SYAP1: variants seen among roughly 807,000 people sequenced by gnomAD.
The protein encoded by SYAP1 is synapse-associated protein 1.
A neutral mutation model predicts 29.6 loss-of-function variants in SYAP1; 3 were observed. The ratio of observed to expected loss-of-function variants is 0.10; its 90% CI spans 0.05 to 0.26. The LOEUF is 0.26. Ranked by LOEUF, SYAP1 falls within the 10% of genes least tolerant of loss-of-function variation. SYAP1 has a pLI of 1.00. For synonymous variants in SYAP1, 102 were observed against 102.7 expected, an observed-to-expected ratio of 0.99 and a Z score of 0.04; for missense variants, 217 against 264.1, an observed-to-expected ratio of 0.82 and a Z score of 1.24.
rs376433599 is a variant in SYAP1 at position 16,737,371 on chromosome X, T to A, written c.361+1139T>A. On this transcript the variant is annotated intron_variant, in intron 3 of 8. Coordinates refer to ENST00000380155, the MANE Select transcript of SYAP1 (RefSeq NM_032796.4). Reference sequence around the variant, plus strand: ...GTGTACTCCAGCCTGGACTACAGAGTGAGACCCTGTCTCAAAAAAAAAGTA... The same window carrying A: ...GTGTACTCCAGCCTGGACTACAGAGAGAGACCCTGTCTCAAAAAAAAAGTA... Among the ~76,000 whole-genome samples the A allele has an allele frequency of 4.5e-5, 5 of 110,878 alleles. No individual in the cohort carries two copies. In the East Asian group the frequency reaches 1.1e-3, roughly 25 times the overall value.
Position 16,727,509 on chromosome X carries a change from A to T in SYAP1, c.175+7610A>T, listed in dbSNP as rs193294491. On this transcript the variant is annotated intron_variant, in intron 1 of 8. Transcript: ENST00000380155. ...CAGGCATGCGCCACCATGTGCAGCT[A>T]ATTTCGTATTTTTAGTAGAGAGGGG... 1.1e-4 allele frequency among the ~76,000 whole-genome samples: 12 copies of T among 110,822 alleles called. No individual in the cohort carries two copies. In the East Asian group the frequency reaches 3.4e-3, roughly 31 times the overall value.
At chrX:16,731,103 T>G (rs952314635) in intron 1 of SYAP1, among the ~76,000 whole-genome samples, 5 of 112,137 alleles carry the variant, frequency 4.5e-5, no homozygotes, top group Non-Finnish European at 3.8e-5. Context: ...TTTTACCATG[T>G]TTTATATATA....
rs1449410200 is a variant in SYAP1 at position 16,743,825 on chromosome X, C to T, written c.560C>T (p.Ala187Val). 1.7e-6 allele frequency: 2 copies of T among 1,210,134 alleles called. No homozygotes were observed. ...GAGCTGCTAAGCAAGATGAGATTTG[C>T]CCTCGTTCCTAAACTGTAAGCAGAG... is the stretch of plus-strand genomic sequence containing the variant. ...EDELLSKMRF[A>V]LVPKLVKEEV... Residue 187 changes from alanine (A) to valine (V), a missense_variant, in exon 5 of 9, where the codon GCC becomes GTC. Ala to Val is a moderately conservative substitution (Grantham distance 64). Coordinates refer to ENST00000380155, the MANE Select transcript of SYAP1 (RefSeq NM_032796.4).
intron 5 of SYAP1, among the ~76,000 whole-genome samples, chrX:16,749,040 C>A (rs1478206843): frequency 1.8e-5 from 2 of 110,444 alleles, no homozygotes; most frequent in Non-Finnish European, 3.8e-5. Flanking sequence ...CAGGCGTGAA[C>A]CTCCGTGCCT....
At chrX:16,734,133 C>T (rs1473737846) in intron 1 of SYAP1, among the ~76,000 whole-genome samples, 4 of 110,125 alleles carry the variant, frequency 3.6e-5, no homozygotes, top group African/African-American at 9.9e-5. Flanking sequence ...AATCCCAGCA[C>T]TTTGGGAGGC....
chrX:16,748,111 G>A (rs967813991), intron 5 of SYAP1, among the ~76,000 whole-genome samples: 3 of 111,529 alleles, frequency 2.7e-5, no homozygotes, highest in Non-Finnish European at 5.7e-5. Context: ...AAAAAGAAAT[G>A]CTTGCTGAAG....
intron 1 of SYAP1, among the ~76,000 whole-genome samples, chrX:16,733,160 A>G (rs778044115): frequency 3.6e-5 from 4 of 111,424 alleles, no homozygotes; most frequent in Non-Finnish European, 5.7e-5. Flanking sequence ...CCATGTGATC[A>G]TATGACTGTA....
chrX:16,732,588 A>G (rs972209064), intron 1 of SYAP1, among the ~76,000 whole-genome samples: 1 of 111,628 alleles, frequency 9.0e-6, no homozygotes, highest in African/African-American at 3.3e-5. Flanking sequence ...CTGGCTTTTA[A>G]TATTTAACTT....
intron 1 of SYAP1, among the ~76,000 whole-genome samples, chrX:16,720,954 A>T (rs911568623): frequency 1.8e-5 from 2 of 110,401 alleles, no homozygotes; most frequent in Non-Finnish European, 3.8e-5. Context: ...TGGAAGTTGC[A>T]GTGAGCTGAG....
intron 5 of SYAP1, among the ~76,000 whole-genome samples, chrX:16,744,141 C>T (rs1429946749): frequency 8.0e-5 from 9 of 112,591 alleles, no homozygotes; most frequent in Middle Eastern, 4.6e-3. Context: ...TGAGGCTCAT[C>T]GGGATCTTTT....
chrX:16,735,681 G>T (rs1411099273), intron 2 of SYAP1, among the ~76,000 whole-genome samples: 1 of 111,844 alleles, frequency 8.9e-6, no homozygotes, highest in African/African-American at 3.3e-5. Flanking sequence ...CTGGAGTGTG[G>T]TGGTGTGATC....
In SYAP1 at chrX:16,762,397, C is replaced by G. The variant is rs1387799700; in HGVS notation, c.*2038C>G. 9.0e-6 allele frequency: 1 copy of G among 111,367 alleles called. No homozygotes were observed. The highest frequency in any genetic ancestry group is 3.3e-5 in the African/African-American group (1 of 30,614). 9.2% of individuals were successfully genotyped at this position (111,367 alleles called of 1,213,427 possible). ...ACATAATATCTCATTTAAAAACAAC[C>G]TAATTATGCATTGCCTGTGAAAATA... On this transcript the variant is annotated 3_prime_UTR_variant, in exon 9 of 9. Transcript: ENST00000380155.
intron 3 of SYAP1, among the ~76,000 whole-genome samples, chrX:16,738,383 C>A (rs1236868369): frequency 8.9e-6 from 1 of 111,914 alleles, no homozygotes; most frequent in Admixed American, 9.5e-5. Context: ...CCGCTACACT[C>A]CAGCCTGGGT....
At chrX:16,722,825 C>A (rs1030131237) in intron 1 of SYAP1, among the ~76,000 whole-genome samples, 1 of 112,169 alleles carries the variant, frequency 8.9e-6, no homozygotes, top group Non-Finnish European at 1.9e-5. Flanking sequence ...AGAGCTCCTC[C>A]CTACCTCCCT....
At chrX:16,732,098 C>G (rs1360470825) in intron 1 of SYAP1, among the ~76,000 whole-genome samples, 1 of 112,335 alleles carries the variant, frequency 8.9e-6, no homozygotes, top group Non-Finnish European at 1.9e-5. Context: ...GCTGGCAACT[C>G]CGAAGACATT....
chrX:16,720,318 G>T (rs1925931697), intron 1 of SYAP1, among the ~76,000 whole-genome samples: 2 of 112,318 alleles, frequency 1.8e-5, no homozygotes, highest in South Asian at 7.3e-4. Flanking sequence ...GTCAGAACGT[G>T]TTGTCTGAAG....
intron 1 of SYAP1, among the ~76,000 whole-genome samples, chrX:16,722,452 C>T (rs1305644916): frequency 1.9e-5 from 2 of 108,011 alleles, no homozygotes; most frequent in East Asian, 2.9e-4. Flanking sequence ...CGCTTGAACC[C>T]GGGAGGCGGA....
chrX:16,748,432 C>T (rs1367991740), intron 5 of SYAP1, among the ~76,000 whole-genome samples: 2 of 112,838 alleles, frequency 1.8e-5, no homozygotes, highest in Admixed American at 1.9e-4. Flanking sequence ...TGAACAGAAG[C>T]CATCATTAAC....
chrX:16,732,229 G>A (rs1926223569), intron 1 of SYAP1, among the ~76,000 whole-genome samples: 1 of 111,800 alleles, frequency 8.9e-6, no homozygotes, highest in African/African-American at 3.2e-5. Flanking sequence ...AAGTATTTAA[G>A]CACTTCTATT....
Sources: allele counts gnomAD v4.1 joint callset (sites outside exome capture counted in the v4.1 genomes callset), GRCh38; gene constraint gnomAD v4.1.1; transcripts MANE v1.5; gene names NCBI Gene and HGNC (gene_info 2026-07-23, HGNC 2026-07-21).